FAM193A: variants seen among roughly 807,000 people sequenced by gnomAD.
FAM193A encodes the protein family with sequence similarity 193 member A, also known as protein FAM193A.
A neutral mutation model predicts 126.5 loss-of-function variants in FAM193A; 22 were observed. The observed-to-expected ratio is 0.17, with a 90% CI of 0.12 to 0.25. The LOEUF (loss-of-function observed/expected upper bound fraction) is 0.25, where lower values mean the gene tolerates loss of function less well. Ranked by LOEUF, FAM193A falls within the 10% of genes least tolerant of loss-of-function variation. The pLI is 1.00. For synonymous variants in FAM193A, 761 were observed against 646.8 expected (o/e 1.18, Z -2.68); for missense variants, 1,675 against 1,672.8 (o/e 1.00, Z -0.02).
rs191287473 is a variant in FAM193A at position 2,542,841 on chromosome 4, C to T, written c.255+5671C>T. ...GGTCACAGTCCCACTGTCCTGTGTG[C>T]GGGACACAGCACTATGTGTTATACC... On this transcript the variant is annotated intron_variant, in intron 1 of 20. Transcript: ENST00000637812. Among the ~76,000 whole-genome samples, 32 of 152,190 alleles carry T rather than the reference C, an allele frequency of 2.1e-4. 1 individual carries two copies. The East Asian group carries it at 3.3e-3, about 16-fold the overall frequency.
Position 2,693,823 on chromosome 4 carries a change from C to G in FAM193A, c.3041C>G (p.Pro1014Arg), listed in dbSNP as rs768899565. ...ACACGCAAGAGTTTCTGTCCTGCAC[C>G]CCTACCCCCGGCCACAGATGGCTCC... ...VDTRKSFCPA[P>R]LPPATDGSIS... Residue 1014 changes from proline (P) to arginine (R), a missense_variant, in exon 16 of 21, where the codon CCC (proline) becomes CGC (arginine). Pro to Arg is a moderately radical substitution (Grantham distance 103). Coordinates refer to ENST00000637812, the MANE Select transcript of FAM193A (RefSeq NM_001366318.2). 1 of 1,614,218 alleles carries G rather than the reference C, an allele frequency of 6.2e-7. No individual in the cohort carries two copies. Among genetic ancestry groups the G allele is most frequent in the African/African-American group, 1.3e-5 (1 of 75,066 alleles).
intron 20 of FAM193A, among the ~76,000 whole-genome samples, chr4:2,723,026 C>T (rs185942923): frequency 6.6e-6 from 1 of 152,146 alleles, no homozygotes; most frequent in Non-Finnish European, 1.5e-5. Flanking sequence ...GTAATCCCAG[C>T]ACTTTGGGAG....
At chr4:2,719,333 C>T (rs1384369996) in intron 20 of FAM193A, among the ~76,000 whole-genome samples, 1 of 152,048 alleles carries the variant, frequency 6.6e-6, no homozygotes, top group Non-Finnish European at 1.5e-5. Context: ...ATACCTACAT[C>T]AGTGTAATTT....
chr4:2,600,909 C>A (rs1577060262), intron 2 of FAM193A, among the ~76,000 whole-genome samples: 1 of 152,208 alleles, frequency 6.6e-6, no homozygotes, highest in South Asian at 2.1e-4. Flanking sequence ...GGTTCAATTT[C>A]TTTAATGGTT....
chr4:2,640,798 C>G (rs1178446187), intron 6 of FAM193A, among the ~76,000 whole-genome samples: 3 of 151,990 alleles, frequency 2.0e-5, no homozygotes, highest in Non-Finnish European at 4.4e-5. Flanking sequence ...AACCCCGTCT[C>G]TACTAAAAAT....
intron 1 of FAM193A, among the ~76,000 whole-genome samples, chr4:2,542,770 A>C (rs1189607344): frequency 1.3e-5 from 2 of 152,166 alleles, no homozygotes; most frequent in African/African-American, 4.8e-5. Context: ...CAGGAGGTGG[A>C]TAAGAGAGAA....
At chr4:2,628,019 G>C (rs1385389945) in intron 4 of FAM193A, among the ~76,000 whole-genome samples, 2 of 152,034 alleles carry the variant, frequency 1.3e-5, no homozygotes, top group Admixed American at 6.6e-5. Flanking sequence ...TGAGATTACA[G>C]GTGTGAGCCA....
intron 12 of FAM193A, among the ~76,000 whole-genome samples, chr4:2,666,798 T>TTCTA (rs1713171290): frequency 6.6e-6 from 1 of 152,244 alleles, no homozygotes; most frequent in African/African-American, 2.4e-5. Context: ...CATAAAGTTA[T>TTCTA]TCTATACTGT....
rs1739042128 is a variant in FAM193A at position 2,567,539 on chromosome 4, T to TTTTTGGTGACACAACAC, written c.256-28545_256-28544insTTTTGGTGACACAACAC. Among the ~76,000 whole-genome samples the TTTTTGGTGACACAACAC allele has an allele frequency of 4.6e-5, 7 of 152,344 alleles. No homozygotes were observed. In the South Asian group the frequency reaches 1.0e-3, roughly 23 times the overall value. On this transcript the variant is annotated intron_variant, in intron 1 of 20. Coordinates refer to ENST00000637812, the MANE Select transcript of FAM193A (RefSeq NM_001366318.2). ...ATATTGATCTCCATAAGTTTTTTTG[T>TTTTTGGTGACACAACAC]CATGATTTTTGGTGACACAACAAGT...
At chr4:2,555,529 A>T (rs1219089311) in intron 1 of FAM193A, among the ~76,000 whole-genome samples, 1 of 152,190 alleles carries the variant, frequency 6.6e-6, no homozygotes. Context: ...CCATAATCCT[A>T]ACACTTTGGG....
chr4:2,682,264 G>A (rs980194088), intron 13 of FAM193A, among the ~76,000 whole-genome samples: 3 of 152,050 alleles, frequency 2.0e-5, no homozygotes, highest in East Asian at 1.9e-4. Context: ...GATTACAGGC[G>A]CGAGCCACCT....
At chr4:2,617,262 AT>A (rs1278527559) in intron 2 of FAM193A, among the ~76,000 whole-genome samples, 35 of 25,060 alleles carry the variant, frequency 1.4e-3, no homozygotes, top group East Asian at 5.4e-3. Flanking sequence ...ATATATATAT[AT>A]TTTTTTTTTT....
intron 1 of FAM193A, among the ~76,000 whole-genome samples, chr4:2,594,597 C>T (rs911428032): frequency 6.6e-6 from 1 of 152,054 alleles, no homozygotes; most frequent in African/African-American, 2.4e-5. Context: ...TTCCCTTTGC[C>T]CTGCTCCCTG....
chr4:2,614,905 A>G (rs1031192107), intron 2 of FAM193A, among the ~76,000 whole-genome samples: 1 of 152,128 alleles, frequency 6.6e-6, no homozygotes, highest in African/African-American at 2.4e-5. Flanking sequence ...TTACCTTTTT[A>G]ATTTCCATAG....
chr4:2,723,145 G>A (rs565485389), intron 20 of FAM193A, among the ~76,000 whole-genome samples: 35 of 152,234 alleles, frequency 2.3e-4, no homozygotes, highest in African/African-American at 7.9e-4. Flanking sequence ...GTGGTGGCAG[G>A]TGCCTGTAGT....
rs17774505 is a variant in FAM193A, at chr4:2,699,593, C to G, written c.3508-87C>G. On this transcript the variant is annotated intron_variant, in intron 18 of 20. Transcript: ENST00000637812. ...CAGAGTTTATGTTCCATATGTGATT[C>G]GTTTTTGAAATTATCTTAGTTTTTC... 2.3e-6 allele frequency: 3 copies of G among 1,330,268 alleles called. No individual in the cohort carries two copies. The African/African-American group carries it at 4.4e-5, about 20-fold the overall frequency. The allele number at this position is 1,330,268 out of a possible 1,614,324, so 82.4% of individuals were successfully genotyped here.
intron 5 of FAM193A, among the ~76,000 whole-genome samples, chr4:2,637,154 C>G (rs1192106726): frequency 1.3e-5 from 2 of 152,090 alleles, no homozygotes; most frequent in Non-Finnish European, 2.9e-5. Context: ...TGGTGAGATC[C>G]CGTCTCTACA....
intron 12 of FAM193A, among the ~76,000 whole-genome samples, chr4:2,667,810 T>A (rs983056212): frequency 1.1e-4 from 16 of 152,252 alleles, no homozygotes; most frequent in Non-Finnish European, 7.3e-5. Context: ...ATTCTTTTTT[T>A]AATTTTCTTA....
At chr4:2,713,797 C>T (rs2109363313) in intron 19 of FAM193A, among the ~76,000 whole-genome samples, 1 of 152,284 alleles carries the variant, frequency 6.6e-6, no homozygotes, top group East Asian at 1.9e-4. Context: ...TTGAGTAGGG[C>T]CACAGAATTC....
Sources: gnomAD v4.1 joint callset for allele counts (sites outside exome capture counted in the v4.1 genomes callset) on GRCh38, gnomAD v4.1.1 for gene constraint, MANE v1.5 for transcripts, NCBI Gene and HGNC (gene_info 2026-07-23, HGNC 2026-07-21) for gene names.